Variants in IPP observed in about 807,000 individuals in gnomAD.
The protein encoded by IPP is intracisternal A particle-promoted polypeptide.
IPP carries 41 observed loss-of-function variants against 64.1 expected under a neutral mutation model. The ratio of observed to expected loss-of-function variants is 0.64; its 90% CI spans 0.50 to 0.83. IPP has a LOEUF of 0.83. Ranked by LOEUF, IPP falls within the 40% of genes least tolerant of loss-of-function variation. The pLI is 0.00. For synonymous variants in IPP, 214 were observed against 235.2 expected (o/e 0.91, Z 0.83); for missense variants, 649 against 703.0 (o/e 0.92, Z 0.87).
intron 2 of IPP, 138 bp downstream of exon 2, chr1:45,745,982 T>C: frequency 3.0e-6 from 2 of 675,530 alleles, no homozygotes; most frequent in Non-Finnish European, 4.8e-6. Context: ...CACCGGGTCA[T>C]AAGATATGAA....
intron 1 of IPP, among the ~76,000 whole-genome samples, chr1:45,748,363 A>C (rs539116461): frequency 6.6e-6 from 1 of 152,260 alleles, no homozygotes; most frequent in Admixed American, 6.5e-5. Flanking sequence ...GTGAAAAATA[A>C]ATTTTTTAAA....
At chr1:45,720,715 T>C (rs1334801555) in intron 5 of IPP, among the ~76,000 whole-genome samples, 3 of 152,162 alleles carry the variant, frequency 2.0e-5, no homozygotes, top group Admixed American at 6.6e-5. Context: ...TATGATTACT[T>C]GATAGAAGAC....
intron 8 of IPP, among the ~76,000 whole-genome samples, chr1:45,705,724 C>T (rs182575026): frequency 1.1e-4 from 16 of 152,176 alleles, no homozygotes; most frequent in African/African-American, 3.6e-4. Context: ...AAGAATCACT[C>T]GAACCCAGGA....
chr1:45,698,653 T>C, downstream of IPP: 1 of 974,284 alleles, frequency 1.0e-6, no homozygotes, highest in Non-Finnish European at 1.2e-6. Context: ...AAATTCCCTC[T>C]TCCTAAAGCC....
At chr1:45,744,787 C>T (rs1039058215) in intron 2 of IPP, among the ~76,000 whole-genome samples, 39 of 151,020 alleles carry the variant, frequency 2.6e-4, no homozygotes, top group African/African-American at 7.3e-4. Context: ...TGCAGTGAGC[C>T]GAGACCACGC....
intron 4 of IPP, among the ~76,000 whole-genome samples, chr1:45,728,024 TATATGAA>T (rs1225467711): frequency 2.0e-5 from 3 of 152,154 alleles, no homozygotes; most frequent in Non-Finnish European, 2.9e-5. Flanking sequence ...AATAGAATAT[TATATGAA>T]ATATAAATCT....
intron 2 of IPP, among the ~76,000 whole-genome samples, chr1:45,744,935 C>T (rs1646115092): frequency 6.6e-6 from 1 of 152,046 alleles, no homozygotes; most frequent in Non-Finnish European, 1.5e-5. Flanking sequence ...GTGGCACATA[C>T]CTGTAGTCAC....
At position 45,720,668 on chromosome 1, in the gene IPP, G is replaced by A. The variant is rs1287135064; in HGVS notation, c.1049-1328C>T. ...AGAAAGGGATAGACAGAGACTAATG[G>A]AACAGAAAAGAAATTCTAGGAACAG... On this transcript the variant is annotated intron_variant, in intron 5 of 8. Coordinates refer to ENST00000396478, the MANE Select transcript of IPP (RefSeq NM_005897.3). Among the ~76,000 whole-genome samples the A allele has an allele frequency of 2.0e-5, 3 of 152,108 alleles. No individual in the cohort carries two copies. The East Asian group carries it at 5.8e-4, about 29-fold the overall frequency.
chr1:45,749,346 A>G (rs1206202496), intron 1 of IPP, among the ~76,000 whole-genome samples: 1 of 152,144 alleles, frequency 6.6e-6, no homozygotes, highest in Non-Finnish European at 1.5e-5. Context: ...GAGTGACCAT[A>G]TTTCCAAAGG....
intron 8 of IPP, among the ~76,000 whole-genome samples, chr1:45,709,374 A>G (rs1645559072): frequency 6.9e-6 from 1 of 144,974 alleles, no homozygotes; most frequent in Non-Finnish European, 1.5e-5. Flanking sequence ...CAGAACTTGC[A>G]CTGAGCCGAG....
At chr1:45,725,200 G>A (rs1570003375) in intron 5 of IPP, among the ~76,000 whole-genome samples, 2 of 137,640 alleles carry the variant, frequency 1.5e-5, no homozygotes, top group South Asian at 2.3e-4. Flanking sequence ...CGCCCCGTCC[G>A]GGAGGGAGGT....
intron 3 of IPP, among the ~76,000 whole-genome samples, chr1:45,737,277 A>G (rs972345079): frequency 1.1e-4 from 16 of 152,042 alleles, no homozygotes; most frequent in Non-Finnish European, 2.2e-4. Context: ...GTATTCCTAT[A>G]CACAATTAAA....
Position 45,699,855 on chromosome 1 carries a change from A to G in IPP, c.*111T>C. ...CGTTAGTCATTTATCTACCAAATAC[A>G]TGGAAAACTCACAGAATCAGAGGGT... is the stretch of plus-strand genomic sequence containing the variant. On this transcript the variant is annotated 3_prime_UTR_variant, in exon 9 of 9. Transcript: ENST00000396478. 3.3e-6 allele frequency: 5 copies of G among 1,510,348 alleles called. No homozygotes were observed. The highest frequency in any genetic ancestry group is 3.5e-6 in the Non-Finnish European group (4 of 1,133,162). The allele number at this position is 1,510,348 out of a possible 1,614,324, so 93.6% of individuals were successfully genotyped here.
At chr1:45,706,679 T>C (rs1039232371) in intron 8 of IPP, among the ~76,000 whole-genome samples, 22 of 152,084 alleles carry the variant, frequency 1.4e-4, no homozygotes, top group Admixed American at 9.8e-4. Context: ...TCGAACTCCT[T>C]ACCTCAGTGA....
chr1:45,743,610 AGGAGGCTGAG>A (rs1280214463), intron 2 of IPP, among the ~76,000 whole-genome samples: 1 of 151,714 alleles, frequency 6.6e-6, no homozygotes, highest in Non-Finnish European at 1.5e-5. Context: ...ACAGGTACTC[AGGAGGCTGAG>A]GTGGGAGGAT....
In IPP at chr1:45,698,885, AT is replaced by A; in HGVS notation, c.*1080del. The A allele has an allele frequency of 3.1e-6, 1 of 320,176 alleles. No homozygotes were observed. Among genetic ancestry groups the A allele is most frequent in the Non-Finnish European group, 4.5e-6 (1 of 222,224 alleles). The allele number at this position is 320,176 out of a possible 1,614,324, so 19.8% of individuals were successfully genotyped here. Reference sequence around the variant, plus strand: ...AGGTACAAGCCACAACGCCCGGCTAATTTTTATATATTTTTTGGTAGAGACG... The same window carrying A: ...AGGTACAAGCCACAACGCCCGGCTAATTTTATATATTTTTTGGTAGAGACG... On this transcript the variant is annotated 3_prime_UTR_variant, in exon 9 of 9. Coordinates refer to ENST00000396478, the MANE Select transcript of IPP (RefSeq NM_005897.3).
chr1:45,739,824 C>CT (rs552340899), intron 3 of IPP, among the ~76,000 whole-genome samples: 1,717 of 127,978 alleles, frequency 0.013, 40 homozygotes, highest in African/African-American at 0.046. Context: ...AAGAGGAAAT[C>CT]TTTTTTTTTT....
At chr1:45,724,693 C>G (rs1424521692) in intron 5 of IPP, among the ~76,000 whole-genome samples, 1 of 151,160 alleles carries the variant, frequency 6.6e-6, no homozygotes, top group Non-Finnish European at 1.5e-5. Flanking sequence ...AGGTGAGGAG[C>G]GTCTCTGCCC....
intron 3 of IPP, among the ~76,000 whole-genome samples, chr1:45,733,710 T>G (rs1645940607): frequency 6.6e-6 from 1 of 151,560 alleles, no homozygotes; most frequent in South Asian, 2.1e-4. Context: ...TGGGCATCTG[T>G]AATCCCAGCT....
Sources: allele counts gnomAD v4.1 joint callset (sites outside exome capture counted in the v4.1 genomes callset), GRCh38; gene constraint gnomAD v4.1.1; transcripts MANE v1.5; gene names NCBI Gene and HGNC (gene_info 2026-07-23, HGNC 2026-07-21).